Variants in DYNC2H1 observed in about 807,000 individuals in gnomAD.
DYNC2H1 encodes cytoplasmic dynein 2 heavy chain 1.
Under a neutral mutation model 570.0 loss-of-function variants are expected in DYNC2H1, and 410 were observed. The ratio of observed to expected loss-of-function variants is 0.72; its 90% CI spans 0.66 to 0.78. DYNC2H1 has a LOEUF of 0.78. Among genes scored for constraint, DYNC2H1 ranks in the 30% least tolerant of loss-of-function variants. DYNC2H1 has a pLI of 0.00. For missense variants in DYNC2H1, 4,865 were observed against 5,046.4 expected, an observed-to-expected ratio of 0.96 and a Z score of 1.09; for synonymous variants, 1,688 against 1,677.6, an observed-to-expected ratio of 1.01 and a Z score of -0.15.
chr11:103,320,646 C>T (rs764367816), intron 80 of DYNC2H1, among the ~76,000 whole-genome samples: 19 of 152,046 alleles, frequency 1.2e-4, no homozygotes, highest in Non-Finnish European at 2.1e-4. Context: ...TTTAAGTAGC[C>T]AGGATTGTGT....
At position 103,238,289 on chromosome 11, in the gene DYNC2H1, G is replaced by A. The variant is rs181019391; in HGVS notation, c.9819+1750G>A. Among the ~76,000 whole-genome samples the A allele has an allele frequency of 8.5e-5, 13 of 152,180 alleles. No individual in the cohort carries two copies. In the East Asian group the frequency reaches 1.9e-3, roughly 23 times the overall value. ...CTCCTCATTAACTATGCTAAAGCTG[G>A]CCTGGTGTAGTGGCTCATGCTTGTA... On this transcript the variant is annotated intron_variant, in intron 63 of 88. Transcript: ENST00000375735.
intron 75 of DYNC2H1, among the ~76,000 whole-genome samples, chr11:103,300,230 G>A (rs1205775665): frequency 6.6e-6 from 1 of 151,766 alleles, no homozygotes; most frequent in Non-Finnish European, 1.5e-5. Flanking sequence ...TCTCAGTATT[G>A]TATTTGCATA....
intron 83 of DYNC2H1, among the ~76,000 whole-genome samples, chr11:103,394,922 T>C (rs1479398697): frequency 6.6e-6 from 1 of 152,030 alleles, no homozygotes; most frequent in Non-Finnish European, 1.5e-5. Context: ...AATTCTATAA[T>C]CTTTGAATTC....
intron 65 of DYNC2H1, among the ~76,000 whole-genome samples, chr11:103,247,904 A>G (rs896854258): frequency 6.6e-6 from 1 of 151,948 alleles, no homozygotes; most frequent in Non-Finnish European, 1.5e-5. Context: ...GGTGTACCTG[A>G]AGGGTATAGG....
chr11:103,307,703 A>G lies in DYNC2H1; in HGVS notation c.11383-18A>G. ...ATATATATTTAAGTAAATTTTTGTC[A>G]TTGGTTTTGTAAACAAGGAATTGAA... is the stretch of plus-strand genomic sequence containing the variant. On this transcript the variant is annotated intron_variant, in intron 77 of 88. Transcript: ENST00000375735. 2.1e-6 allele frequency: 3 copies of G among 1,433,320 alleles called. No homozygotes were observed. The highest frequency in any genetic ancestry group is 1.8e-4 in the Middle Eastern group (1 of 5,642). 88.8% of individuals were successfully genotyped at this position (1,433,320 alleles called of 1,614,324 possible). A position where few individuals can be genotyped will look rare whatever the true frequency, so the allele number is the denominator to read the frequency against.
At chr11:103,424,735 G>T (rs1181744629) in intron 84 of DYNC2H1, among the ~76,000 whole-genome samples, 1 of 147,974 alleles carries the variant, frequency 6.8e-6, no homozygotes. Flanking sequence ...AGGCAACTTT[G>T]ATCTATATAG....
chr11:103,453,200 A>G (rs1448700760), intron 85 of DYNC2H1, among the ~76,000 whole-genome samples: 1 of 152,092 alleles, frequency 6.6e-6, no homozygotes, highest in African/African-American at 2.4e-5. Flanking sequence ...AAAGGGGCAT[A>G]GCCCATAACT....
At chr11:103,213,754 A>C (rs669630) in intron 54 of DYNC2H1, among the ~76,000 whole-genome samples, 107,491 of 152,048 alleles carry the variant, frequency 0.71, 38,259 homozygotes, top group Admixed American at 0.78. Context: ...ACAGTTTGCA[A>C]ATATTTTCTC....
intron 82 of DYNC2H1, among the ~76,000 whole-genome samples, chr11:103,329,386 C>T (rs894473433): frequency 6.4e-4 from 95 of 148,314 alleles, no homozygotes; most frequent in African/African-American, 2.1e-3. Flanking sequence ...ATTTCAAAAT[C>T]TTTTCTAGAA....
At chr11:103,452,168 A>G (rs945655513) in intron 85 of DYNC2H1, among the ~76,000 whole-genome samples, 6 of 152,108 alleles carry the variant, frequency 3.9e-5, no homozygotes, top group Admixed American at 3.9e-4. Flanking sequence ...TGATTGAATA[A>G]TGTTTTTATT....
Position 103,125,185 on chromosome 11 carries a change from C to G in DYNC2H1, c.1747C>G (p.Leu583Val), listed in dbSNP as rs1388926716. 6.2e-7 allele frequency: 1 copy of G among 1,613,496 alleles called. No individual in the cohort carries two copies. Among genetic ancestry groups the G allele is most frequent in the African/African-American group, 1.3e-5 (1 of 74,910 alleles). ...VHYSDRLVIL[L>V]REVRQLSALG... ...TTATTCAGATCGTTTGGTGATTCTT[C>G]TGAGAGAAGTTCGTCAGCTCTCTGC... The change falls in exon 12 of 89, where the codon CTG becomes GTG. Residue 583 changes from leucine (L) to valine (V), a missense_variant. This residue lies in a region of DYNC2H1 where 1,936 missense variants were observed against 1,962.1 expected (regional missense o/e 0.99). Transcript: ENST00000375735.
chr11:103,417,875 CAA>C (rs57468229), intron 84 of DYNC2H1, among the ~76,000 whole-genome samples: 193 of 131,490 alleles, frequency 1.5e-3, no homozygotes, highest in East Asian at 5.0e-3. Context: ...GACTCCATCT[CAA>C]AAAAAAAAAA....
intron 52 of DYNC2H1, among the ~76,000 whole-genome samples, chr11:103,208,982 TA>T (rs1300782450): frequency 6.6e-6 from 1 of 152,120 alleles, no homozygotes; most frequent in Non-Finnish European, 1.5e-5. Flanking sequence ...GATTTAAAAA[TA>T]TAAGTTTAAA....
At chr11:103,420,696 C>G (rs1041508732) in intron 84 of DYNC2H1, among the ~76,000 whole-genome samples, 1 of 152,170 alleles carries the variant, frequency 6.6e-6, no homozygotes, top group East Asian at 1.9e-4. Flanking sequence ...TGGTCATCAC[C>G]AGGCCTGCCT....
In DYNC2H1 at chr11:103,277,720, AACCTAGTG is replaced by A. The variant is rs1215380892; in HGVS notation, c.10696-2625_10696-2618del. Among the ~76,000 whole-genome samples the A allele has an allele frequency of 6.6e-6, 1 of 152,174 alleles. No homozygotes were observed. Among genetic ancestry groups the A allele is most frequent in the Non-Finnish European group, 1.5e-5 (1 of 68,026 alleles). ...AAGCTTGCCTCGACTCTTACCAGGT[AACCTAGTG>A]ACATCATGATTAGTTCTGTTGTTTA... On this transcript the variant is annotated intron_variant, in intron 70 of 88. Coordinates refer to ENST00000375735, the MANE Select transcript of DYNC2H1 (RefSeq NM_001377.3). The surrounding 1 kb of genome is among the most constrained non-coding windows in gnomAD (Gnocchi z 4.3).
rs182506343 is a variant in DYNC2H1, at chr11:103,120,454, C to T, written c.1007C>T (p.Ala336Val). The T allele has an allele frequency of 9.3e-4, 1,494 of 1,607,596 alleles. 4 individuals carry two copies. Among genetic ancestry groups the T allele is most frequent in the Non-Finnish European group, 1.1e-3 (1,352 of 1,176,644 alleles). Residue 336 changes from alanine (A) to valine (V), a missense_variant, in exon 7 of 89, where the codon GCT becomes GTT. Physicochemically the swap from Ala to Val is moderately conservative, Grantham distance 64 (BLOSUM62 0). Coordinates refer to ENST00000375735, the MANE Select transcript of DYNC2H1 (RefSeq NM_001377.3). ...KLGKRLEEVL[A>V]IRTIHEKFLY... The stretch of plus-strand genomic sequence containing the variant: ...TTTAATACTTCATTTTAGGTCTTGG[C>T]TATTAGAACAATTCATGAGAAGTTT...
At chr11:103,322,663 A>G (rs925445389) in intron 81 of DYNC2H1, among the ~76,000 whole-genome samples, 2 of 152,224 alleles carry the variant, frequency 1.3e-5, no homozygotes, top group African/African-American at 4.8e-5. Context: ...CTAGATAGAC[A>G]GAAGACTCTA....
chr11:103,426,357 C>T (rs760405269), intron 84 of DYNC2H1, among the ~76,000 whole-genome samples: 10 of 152,132 alleles, frequency 6.6e-5, no homozygotes, highest in Non-Finnish European at 1.3e-4. Context: ...GTCTTTAATT[C>T]CTCTAGCCTT....
chr11:103,342,542 G>A (rs1939513724), intron 82 of DYNC2H1, among the ~76,000 whole-genome samples: 1 of 144,926 alleles, frequency 6.9e-6, no homozygotes, highest in South Asian at 2.2e-4. Context: ...TCGCTCTGTT[G>A]CCCAGGCTGG....
Sources: gnomAD v4.1 joint callset for allele counts (sites outside exome capture counted in the v4.1 genomes callset) on GRCh38, gnomAD v4.1.1 for gene constraint, gnomAD v4.1.1 regional missense constraint, Gnocchi (gnomAD v3.1) non-coding constraint, MANE v1.5 for transcripts, NCBI Gene and HGNC (gene_info 2026-07-23, HGNC 2026-07-21) for gene names.